SIMC1: variants seen among roughly 807,000 people sequenced by gnomAD.
The protein encoded by SIMC1 is SUMO-interacting motif-containing protein 1.
In SIMC1, 55 loss-of-function variants were observed where a neutral mutation model predicts 82.3. The observed-to-expected ratio is 0.67, with a 90% confidence interval of 0.54 to 0.84. The LOEUF (loss-of-function observed/expected upper bound fraction) is 0.84, where lower values mean the gene tolerates loss of function less well. Among genes scored for constraint, SIMC1 ranks in the 40% least tolerant of loss-of-function variants. SIMC1 has a pLI of 0.00. For synonymous variants in SIMC1, 353 were observed against 426.3 expected, an observed-to-expected ratio of 0.83 and a Z score of 2.12; for missense variants, 915 against 1,107.2, an observed-to-expected ratio of 0.83 and a Z score of 2.46.
intron 4 of SIMC1, among the ~76,000 whole-genome samples, chr5:176,312,764 T>G (rs1259632914): frequency 6.6e-6 from 1 of 152,182 alleles, no homozygotes; most frequent in Non-Finnish European, 1.5e-5. Flanking sequence ...AAAATATACC[T>G]ATTCTCTGGA....
intron 7 of SIMC1, among the ~76,000 whole-genome samples, chr5:176,325,569 C>T (rs1388810988): frequency 6.6e-6 from 1 of 151,294 alleles, no homozygotes; most frequent in African/African-American, 2.4e-5. Context: ...GCCTGTAGTC[C>T]CAGCTACTCA....
chr5:176,313,300 G>A, intron 4 of SIMC1: 1 of 1,449,260 alleles, frequency 6.9e-7, no homozygotes, highest in South Asian at 1.5e-5. Context: ...GAGGTTGATA[G>A]GTTCAGTGAG....
chr5:176,343,784 T>C (rs1340373167), intron 9 of SIMC1, among the ~76,000 whole-genome samples: 3 of 150,140 alleles, frequency 2.0e-5, no homozygotes, highest in African/African-American at 7.6e-5. Context: ...TTTTTTGTTT[T>C]TTTGTTTTGT....
chr5:176,321,690 C>T (rs893048159), intron 5 of SIMC1, among the ~76,000 whole-genome samples: 1 of 152,100 alleles, frequency 6.6e-6, no homozygotes, highest in Non-Finnish European at 1.5e-5. Flanking sequence ...CCACTGCACA[C>T]ACTCTAAACC....
intron 1 of SIMC1, among the ~76,000 whole-genome samples, chr5:176,286,183 G>A (rs1581254863): frequency 6.6e-6 from 1 of 152,280 alleles, no homozygotes; most frequent in Non-Finnish European, 1.5e-5. Context: ...TGCCAAGACA[G>A]TCCTAAGCAA....
At chr5:176,307,557 C>A (rs1032496869) in intron 4 of SIMC1, among the ~76,000 whole-genome samples, 1 of 152,032 alleles carries the variant, frequency 6.6e-6, no homozygotes, top group Non-Finnish European at 1.5e-5. Context: ...CCCGCCACCA[C>A]GCCCGGCTAA....
In SIMC1 at chr5:176,305,963, G is replaced by A. The variant is rs866123603; in HGVS notation, c.1735-7728G>A. Among the ~76,000 whole-genome samples the A allele has an allele frequency of 4.0e-3, 281 of 71,020 alleles. 5 individuals carry two copies. The highest frequency in any genetic ancestry group is 0.016 in the African/African-American group (272 of 17,494). The allele number at this position is 71,020 out of a possible 152,430, so 46.6% of individuals were successfully genotyped here. On this transcript the variant is annotated intron_variant, in intron 4 of 9. Transcript: ENST00000429602. ...GAGGAGCCCCTCTGCCCGGCCAGCC[G>A]CCCCATCCGGGAGGGAGGTGGGGGG...
At position 176,283,512 on chromosome 5, in the gene SIMC1, C is replaced by T. The variant is rs573085123; in HGVS notation, c.130-6142C>T. Reference sequence around the variant, plus strand: ...CACCACCAGGCCTGCCCTACAAGAGCTCCTGAAGGAAGCACTAAACATGGA... The same window carrying T: ...CACCACCAGGCCTGCCCTACAAGAGTTCCTGAAGGAAGCACTAAACATGGA... On this transcript the variant is annotated intron_variant, in intron 1 of 9. Transcript: ENST00000429602. 5.3e-5 allele frequency among the ~76,000 whole-genome samples: 8 copies of T among 152,316 alleles called. No individual in the cohort carries two copies. The East Asian group carries it at 9.6e-4, about 18-fold the overall frequency.
intron 1 of SIMC1, among the ~76,000 whole-genome samples, chr5:176,273,557 GGTTA>G (rs1762541895): frequency 6.6e-6 from 1 of 152,144 alleles, no homozygotes; most frequent in South Asian, 2.1e-4. Flanking sequence ...ACAATGTGCA[GGTTA>G]GTTACATATG....
intron 1 of SIMC1, among the ~76,000 whole-genome samples, chr5:176,279,901 G>A (rs1166274390): frequency 6.6e-6 from 1 of 152,052 alleles, no homozygotes; most frequent in Non-Finnish European, 1.5e-5. Context: ...CAAGTATGTG[G>A]TCAATTTTGG....
intron 1 of SIMC1, among the ~76,000 whole-genome samples, chr5:176,252,504 G>C (rs1314609208): frequency 6.6e-6 from 1 of 151,148 alleles, no homozygotes; most frequent in Non-Finnish European, 1.5e-5. Context: ...CCCAGACGGG[G>C]TGGCGGGGCA....
At chr5:176,305,962 C>T (rs1213394919) in intron 4 of SIMC1, among the ~76,000 whole-genome samples, 2 of 76,338 alleles carry the variant, frequency 2.6e-5, no homozygotes, top group African/African-American at 5.2e-5. Flanking sequence ...CCCGGCCAGC[C>T]GCCCCATCCG....
At chr5:176,277,442 C>T (rs1052423006) in intron 1 of SIMC1, among the ~76,000 whole-genome samples, 2 of 151,790 alleles carry the variant, frequency 1.3e-5, no homozygotes, top group African/African-American at 4.9e-5. Flanking sequence ...TGCAGAAGCT[C>T]TTTAGTTTAA....
In SIMC1 at chr5:176,331,142, G is replaced by A. The variant is rs185550209; in HGVS notation, c.2172-5578G>A. On this transcript the variant is annotated intron_variant, in intron 7 of 9. Transcript: ENST00000429602. ...AGTATCCACTTTGGGAGGCCAAGGCGGGTGGATCACGAGGTCAGGAGATCA... is the reference window on the plus strand; with the variant it reads ...AGTATCCACTTTGGGAGGCCAAGGCAGGTGGATCACGAGGTCAGGAGATCA... 2.0e-3 allele frequency among the ~76,000 whole-genome samples: 305 copies of A among 152,018 alleles called. 1 individual carries two copies. The highest frequency in any genetic ancestry group is 0.01 in the Middle Eastern group (3 of 294).
intron 1 of SIMC1, among the ~76,000 whole-genome samples, chr5:176,257,894 A>G (rs1045685876): frequency 6.6e-6 from 1 of 152,224 alleles, no homozygotes; most frequent in Non-Finnish European, 1.5e-5. Flanking sequence ...GATGCCTGCC[A>G]GTAGTAACCC....
In SIMC1 at chr5:176,256,875, C is replaced by CA. The variant is rs558985864; in HGVS notation, c.129+18239dup. ...TCCTGCCTCAAGTCTCCTGAGTAGG[C>CA]AGGACTATAGGCAAACACCACCATG... On this transcript the variant is annotated intron_variant, in intron 1 of 9. Coordinates refer to ENST00000429602, the MANE Select transcript of SIMC1 (RefSeq NM_001308195.2). Among the ~76,000 whole-genome samples the CA allele has an allele frequency of 1.6e-3, 240 of 152,172 alleles. 1 individual carries two copies. The highest frequency in any genetic ancestry group is 5.5e-3 in the African/African-American group (230 of 41,520).
At chr5:176,306,683 A>G (rs572102798) in intron 4 of SIMC1, among the ~76,000 whole-genome samples, 60 of 151,806 alleles carry the variant, frequency 4.0e-4, no homozygotes, top group African/African-American at 1.4e-3. Context: ...GCGGTGCAAG[A>G]TGTGCTTTGT....
At chr5:176,283,531 A>G (rs1763114614) in intron 1 of SIMC1, among the ~76,000 whole-genome samples, 1 of 152,226 alleles carries the variant, frequency 6.6e-6, no homozygotes, top group South Asian at 2.1e-4. Flanking sequence ...GAAGCACTAA[A>G]CATGGAAAGG....
Position 176,290,178 on chromosome 5 carries a change from CTTGCCGTGCCCCCTGCGACCT to C in SIMC1, c.660_680del (p.Leu223_Pro229del), listed in dbSNP as rs1763483519. On this transcript the variant is annotated inframe_deletion, in exon 2 of 10. Coordinates refer to ENST00000429602, the MANE Select transcript of SIMC1 (RefSeq NM_001308195.2). ...AAGATGTATCTCGCCCACCACAGGC[CTTGCCGTGCCCCCTGCGACCT>C]TTGCCATGCCCACCGAGAGCCTCAC... is the stretch of plus-strand genomic sequence containing the variant. 1 of 1,612,122 alleles carries C rather than the reference CTTGCCGTGCCCCCTGCGACCT, an allele frequency of 6.2e-7. No individual in the cohort carries two copies. Among genetic ancestry groups the C allele is most frequent in the African/African-American group, 1.3e-5 (1 of 74,864 alleles).
Sources: gnomAD v4.1 joint callset for allele counts (sites outside exome capture counted in the v4.1 genomes callset) on GRCh38, gnomAD v4.1.1 for gene constraint, MANE v1.5 for transcripts, NCBI Gene and HGNC (gene_info 2026-07-23, HGNC 2026-07-21) for gene names.